Variants in ZMAT4 observed in about 807,000 individuals in gnomAD.
The protein encoded by ZMAT4 is zinc finger matrin-type protein 4.
A neutral mutation model predicts 28.7 loss-of-function variants in ZMAT4; 17 were observed. That is an observed-to-expected ratio of 0.59 (90% CI 0.41 to 0.89). The LOEUF (loss-of-function observed/expected upper bound fraction) is 0.89. Ranked by LOEUF, ZMAT4 falls within the 40% of genes least tolerant of loss-of-function variation. The pLI is 0.00. For synonymous variants in ZMAT4, 117 were observed against 109.2 expected, an observed-to-expected ratio of 1.07 and a Z score of -0.44; for missense variants, 240 against 283.8, an observed-to-expected ratio of 0.85 and a Z score of 1.11.
chr8:40,601,984 A>T (rs1051909357), intron 5 of ZMAT4, among the ~76,000 whole-genome samples: 5 of 151,900 alleles, frequency 3.3e-5, no homozygotes, highest in African/African-American at 1.2e-4. Context: ...ATAAGTGTAC[A>T]CTCTACCCAA....
chr8:40,750,945 T>A (rs1812429842), intron 3 of ZMAT4, among the ~76,000 whole-genome samples: 1 of 152,212 alleles, frequency 6.6e-6, no homozygotes, highest in Non-Finnish European at 1.5e-5. Context: ...CAAAAATAGA[T>A]TTGGGCTCAT....
intron 4 of ZMAT4, among the ~76,000 whole-genome samples, chr8:40,689,468 A>G (rs1004789142): frequency 3.3e-5 from 5 of 152,252 alleles, no homozygotes; most frequent in Non-Finnish European, 5.9e-5. Flanking sequence ...CACCTATTGC[A>G]TCTGATTCTT....
chr8:40,817,785 G>C (rs1181744541), intron 2 of ZMAT4, among the ~76,000 whole-genome samples: 6 of 152,192 alleles, frequency 3.9e-5, no homozygotes, highest in Admixed American at 3.9e-4. Flanking sequence ...TGTTAAGAGG[G>C]GATGTGTGTG....
chr8:40,885,147 G>A (rs1483965090), intron 1 of ZMAT4, among the ~76,000 whole-genome samples: 1 of 152,134 alleles, frequency 6.6e-6, no homozygotes, highest in African/African-American at 2.4e-5. Flanking sequence ...ACTATCTAGT[G>A]GGCATTTCAC....
chr8:40,598,730 T>A (rs1179762237), intron 5 of ZMAT4, among the ~76,000 whole-genome samples: 1 of 152,194 alleles, frequency 6.6e-6, no homozygotes, highest in African/African-American at 2.4e-5. Context: ...GAATTCTATG[T>A]CAACATGCAT....
At chr8:40,640,467 C>T (rs920843764) in intron 5 of ZMAT4, among the ~76,000 whole-genome samples, 5 of 152,132 alleles carry the variant, frequency 3.3e-5, no homozygotes, top group African/African-American at 9.7e-5. Context: ...GTTCTCATCA[C>T]AAATGCAGCA....
At chr8:40,691,613 A>G (rs1472320856) in intron 4 of ZMAT4, among the ~76,000 whole-genome samples, 2 of 152,230 alleles carry the variant, frequency 1.3e-5, no homozygotes, top group African/African-American at 4.8e-5. Flanking sequence ...TCATAAATAC[A>G]GAATCCTCAA....
intron 3 of ZMAT4, among the ~76,000 whole-genome samples, chr8:40,706,108 A>G (rs1810338092): frequency 6.6e-6 from 1 of 152,150 alleles, no homozygotes; most frequent in South Asian, 2.1e-4. Context: ...CCCAGGCAAC[A>G]GTGATGCGAT....
chr8:40,893,685 T>A (rs1818771944), intron 1 of ZMAT4, among the ~76,000 whole-genome samples: 1 of 152,170 alleles, frequency 6.6e-6, no homozygotes, highest in Admixed American at 6.5e-5. Flanking sequence ...TAATTTTACG[T>A]CCGGGGGTAC....
At chr8:40,567,232 C>T (rs562004791) in intron 6 of ZMAT4, among the ~76,000 whole-genome samples, 1 of 152,228 alleles carries the variant, frequency 6.6e-6, no homozygotes, top group South Asian at 2.1e-4. Context: ...TATTTGACTA[C>T]TCGGCATGAA....
chr8:40,768,207 G>A (rs1309692366), intron 2 of ZMAT4, among the ~76,000 whole-genome samples: 2 of 152,098 alleles, frequency 1.3e-5, no homozygotes, highest in Non-Finnish European at 2.9e-5. Flanking sequence ...TCATTAATAA[G>A]CTATCAAAAG....
chr8:40,787,084 A>G (rs1298777479), intron 2 of ZMAT4, among the ~76,000 whole-genome samples: 1 of 152,224 alleles, frequency 6.6e-6, no homozygotes, highest in East Asian at 1.9e-4. Context: ...GAGAATTTCA[A>G]GTGTCCCAAT....
chr8:40,845,554 C>G (rs1586157588), intron 1 of ZMAT4, among the ~76,000 whole-genome samples: 2 of 150,968 alleles, frequency 1.3e-5, no homozygotes, highest in Non-Finnish European at 1.5e-5. Flanking sequence ...TTATAGCAGC[C>G]TTCTGAAAAA....
At chr8:40,751,308 C>T (rs1169957318) in intron 3 of ZMAT4, among the ~76,000 whole-genome samples, 1 of 152,094 alleles carries the variant, frequency 6.6e-6, no homozygotes. Context: ...CCAGCATCTG[C>T]TTCTGGTGAG....
At chr8:40,711,213 A>AT (rs374258270) in intron 3 of ZMAT4, among the ~76,000 whole-genome samples, 3 of 152,178 alleles carry the variant, frequency 2.0e-5, no homozygotes, top group Non-Finnish European at 2.9e-5. Context: ...AGAATGAAGT[A>AT]TTTTTTTCTG....
At chr8:40,854,929 T>TCACA (rs148119447) in intron 1 of ZMAT4, among the ~76,000 whole-genome samples, 4 of 151,184 alleles carry the variant, frequency 2.6e-5, no homozygotes, top group Non-Finnish European at 3.0e-5. Context: ...ATTATTGTTT[T>TCACA]CACACACACA....
At chr8:40,597,091 GATAA>G (rs1251251867) in intron 5 of ZMAT4, among the ~76,000 whole-genome samples, 3 of 152,178 alleles carry the variant, frequency 2.0e-5, no homozygotes, top group African/African-American at 7.2e-5. Context: ...TGGATGGATG[GATAA>G]ATAGATGTAC....
intron 2 of ZMAT4, among the ~76,000 whole-genome samples, chr8:40,821,276 T>A (rs1361723283): frequency 6.8e-6 from 1 of 146,800 alleles, no homozygotes; most frequent in Non-Finnish European, 1.5e-5. Context: ...CCTGGGAAAC[T>A]GTTTTTTTAC....
At chr8:40,593,547 G>A (rs188711849) in intron 5 of ZMAT4, among the ~76,000 whole-genome samples, 20 of 152,272 alleles carry the variant, frequency 1.3e-4, no homozygotes, top group Non-Finnish European at 2.5e-4. Context: ...GAAGGATTGT[G>A]ATACTTGCCT....
Sources: allele counts gnomAD v4.1 joint callset (sites outside exome capture counted in the v4.1 genomes callset), GRCh38; gene constraint gnomAD v4.1.1; transcripts MANE v1.5; gene names NCBI Gene and HGNC (gene_info 2026-07-23, HGNC 2026-07-21).